Variants in QSOX2 observed in about 807,000 individuals in gnomAD.
QSOX2 encodes the protein sulfhydryl oxidase 2.
QSOX2 carries 46 observed loss-of-function variants against 61.7 expected under a neutral mutation model. The observed-to-expected ratio is 0.75, with a 90% CI of 0.59 to 0.95. QSOX2 has a LOEUF of 0.95. Among genes scored for constraint, QSOX2 ranks in the 40% least tolerant of loss-of-function variants. The pLI, the probability that QSOX2 is intolerant of heterozygous loss-of-function variation, is 0.00. For synonymous variants in QSOX2, 383 were observed against 388.4 expected (o/e 0.99, Z 0.16); for missense variants, 879 against 918.9 (o/e 0.96, Z 0.56).
Position 136,245,466 on chromosome 9 carries a change from C to A in QSOX2, c.328+10G>T, listed in dbSNP as rs1206488330. The A allele has an allele frequency of 1.3e-6, 2 of 1,582,192 alleles. No individual in the cohort carries two copies. The highest frequency in any genetic ancestry group is 2.3e-5 in the East Asian group (1 of 43,472). Reference sequence around the variant, plus strand: ...GGGTCGGGGGGTCCCCGCGCGGGGGCGCGCCTCACCTCGCACATCCCCAGC... The same window carrying A: ...GGGTCGGGGGGTCCCCGCGCGGGGGAGCGCCTCACCTCGCACATCCCCAGC... On this transcript the variant is annotated intron_variant, in intron 1 of 11. Coordinates refer to ENST00000358701, the MANE Select transcript of QSOX2 (RefSeq NM_181701.4).
In QSOX2 at chr9:136,219,159, T is replaced by C; in HGVS notation, c.827A>G (p.Lys276Arg). Reference sequence around the variant, plus strand: ...AGACGAAAAGAAGGCCCGCAGAGGCTTCACGCTGTGAGAGAGGGGAGGGCA... The same window carrying C: ...AGACGAAAAGAAGGCCCGCAGAGGCCTCACGCTGTGAGAGAGGGGAGGGCA... ...NGSHGLINVV[K>R]PLRAFFSSYL... is the part of the protein sequence containing the mutation. Residue 276 changes from lysine (K) to arginine (R), a missense_variant, in exon 7 of 12, where the codon AAG becomes AGG. Transcript: ENST00000358701. The C allele has an allele frequency of 6.2e-7, 1 of 1,613,476 alleles. No individual in the cohort carries two copies. Among genetic ancestry groups the C allele is most frequent in the South Asian group, 1.1e-5 (1 of 91,062 alleles).
chr9:136,237,385 GGCTGGCGTC>G (rs1830394722), intron 1 of QSOX2, among the ~76,000 whole-genome samples: 1 of 125,534 alleles, frequency 8.0e-6, no homozygotes, highest in Non-Finnish European at 1.7e-5. Context: ...GCCCATCCTG[GGCTGGCGTC>G]ACCTGGAGCC....
At chr9:136,245,441 G>T in intron 1 of QSOX2, 35 bp downstream of exon 1, 1 of 1,552,552 alleles carries the variant, frequency 6.4e-7, no homozygotes, top group East Asian at 2.4e-5. Flanking sequence ...GCGGTCCCGG[G>T]GGTCGGGGGG....
Position 136,208,903 on chromosome 9 carries a change from GC to G in QSOX2, c.1921del (p.Ala641ProfsTer21). The G allele has an allele frequency of 6.2e-7, 1 of 1,613,950 alleles. No individual in the cohort carries two copies. The highest frequency in any genetic ancestry group is 1.7e-5 in the Admixed American group (1 of 60,032). On this transcript the variant is annotated frameshift_variant, in exon 12 of 12. Transcript: ENST00000358701. LOFTEE classifies it low-confidence loss of function (END_TRUNC). ...TGCGGCCCCGCCCACCTCCTTGTGG[GC>G]CCCGGGCCCATCCAGACTCTGGAGT... ...GKLQSLDGPG[A>X]HKEVGGAAPF... is the part of the protein sequence containing the mutation.
intron 8 of QSOX2, among the ~76,000 whole-genome samples, chr9:136,217,600 A>G (rs997666067): frequency 1.3e-5 from 2 of 152,258 alleles, no homozygotes; most frequent in Non-Finnish European, 2.9e-5. Context: ...TAACTTATTA[A>G]TACCCTGGCC....
intron 1 of QSOX2, among the ~76,000 whole-genome samples, chr9:136,234,639 G>A (rs949404117): frequency 6.6e-6 from 1 of 152,198 alleles, no homozygotes; most frequent in East Asian, 1.9e-4. Context: ...TGAGGCTGCT[G>A]TCACTAAGAC....
Position 136,221,999 on chromosome 9 carries a change from C to T in QSOX2, c.676-58G>A, listed in dbSNP as rs568000877. ...GGGGCTGGCAGTTTCTCAGAAAACA[C>T]GACGTGCAGACACATGGCCTTGCAG... On this transcript the variant is annotated intron_variant, in intron 5 of 11. Coordinates refer to ENST00000358701, the MANE Select transcript of QSOX2 (RefSeq NM_181701.4). This position sits in a 1 kb window ranked among gnomAD's most constrained non-coding sequence, Gnocchi z 4.5. 1.8e-4 allele frequency: 262 copies of T among 1,489,682 alleles called. No homozygotes were observed. The highest frequency in any genetic ancestry group is 2.2e-4 in the Non-Finnish European group (244 of 1,111,978). The allele number at this position is 1,489,682 out of a possible 1,614,324, so 92.3% of individuals were successfully genotyped here.
At chr9:136,234,105 T>C (rs1796693695) in intron 1 of QSOX2, among the ~76,000 whole-genome samples, 1 of 151,280 alleles carries the variant, frequency 6.6e-6, no homozygotes, top group Non-Finnish European at 1.5e-5. Flanking sequence ...AGGCTCCACC[T>C]GGGGCAGCCT....
intron 1 of QSOX2, among the ~76,000 whole-genome samples, chr9:136,229,213 G>A (rs1203183677): frequency 6.6e-6 from 1 of 152,254 alleles, no homozygotes; most frequent in Non-Finnish European, 1.5e-5. Flanking sequence ...AGCGACACGA[G>A]CTCTCTGCAT....
At chr9:136,227,003 G>A (rs12376359) in intron 1 of QSOX2, 129 bp from the exon 2 acceptor site, 1 of 713,844 alleles carries the variant, frequency 1.4e-6, no homozygotes, top group East Asian at 2.6e-5. Flanking sequence ...TAGGTCATCA[G>A]TTAGGCCCTC....
chr9:136,232,229 G>C (rs1830338060), intron 1 of QSOX2, among the ~76,000 whole-genome samples: 1 of 152,170 alleles, frequency 6.6e-6, no homozygotes, highest in Non-Finnish European at 1.5e-5. Flanking sequence ...GAACCGTTGA[G>C]GCTGTGCAGT....
At chr9:136,233,703 C>T (rs11103395) in intron 1 of QSOX2, among the ~76,000 whole-genome samples, 3,521 of 152,264 alleles carry the variant, frequency 0.023, 117 homozygotes, top group African/African-American at 0.075. Flanking sequence ...TTCCATGAGA[C>T]GAATCGTGCA....
intron 1 of QSOX2, among the ~76,000 whole-genome samples, chr9:136,243,646 C>G (rs540757804): frequency 8.5e-5 from 13 of 152,364 alleles, no homozygotes; most frequent in African/African-American, 2.4e-4. Flanking sequence ...TGACACTGTT[C>G]CCCTGGCCAT....
chr9:136,229,584 GCA>G (rs1830312167), intron 1 of QSOX2, among the ~76,000 whole-genome samples: 1 of 152,146 alleles, frequency 6.6e-6, no homozygotes. Flanking sequence ...AGCCCAGACT[GCA>G]CACACAACAG....
chr9:136,207,320 A>C lies in QSOX2; in HGVS notation c.*1408T>G, dbSNP rs1282189628. On this transcript the variant is annotated 3_prime_UTR_variant, in exon 12 of 12. Coordinates refer to ENST00000358701, the MANE Select transcript of QSOX2 (RefSeq NM_181701.4). The stretch of plus-strand genomic sequence containing the variant: ...TGATTATACAACATAAAGTAGGCAA[A>C]GCGGAAAAAATATCTACAACCGTCA... 1 of 152,182 alleles carries C rather than the reference A, an allele frequency of 6.6e-6. No homozygotes were observed. The highest frequency in any genetic ancestry group is 2.4e-5 in the African/African-American group (1 of 41,322). 9.4% of individuals were successfully genotyped at this position (152,182 alleles called of 1,614,324 possible).
chr9:136,211,511 G>C (rs1280626877), intron 10 of QSOX2, 59 bp from the exon 11 acceptor site: 1 of 1,563,262 alleles, frequency 6.4e-7, no homozygotes, highest in African/African-American at 1.4e-5. Flanking sequence ...CTGACCCCAC[G>C]CTTGTCCAGA....
chr9:136,225,163 AG>A (rs1830267864), intron 2 of QSOX2, among the ~76,000 whole-genome samples: 1 of 152,216 alleles, frequency 6.6e-6, no homozygotes, highest in Non-Finnish European at 1.5e-5. Flanking sequence ...CAACAGGGCT[AG>A]AAGCAAGACA....
At chr9:136,212,983 C>A (rs1187789083) in intron 10 of QSOX2, among the ~76,000 whole-genome samples, 1 of 152,218 alleles carries the variant, frequency 6.6e-6, no homozygotes, top group East Asian at 1.9e-4. Context: ...TGCCATCACA[C>A]TGCTCTTACA....
intron 2 of QSOX2, among the ~76,000 whole-genome samples, 178 bp from the exon 3 acceptor site, chr9:136,225,087 T>G (rs1048912928): frequency 1.3e-5 from 2 of 152,246 alleles, no homozygotes; most frequent in African/African-American, 4.8e-5. Context: ...TAATGTTTCC[T>G]GTCAGATTTA....
Sources: gnomAD v4.1 joint callset for allele counts (sites outside exome capture counted in the v4.1 genomes callset) on GRCh38, gnomAD v4.1.1 for gene constraint, Gnocchi (gnomAD v3.1) non-coding constraint, MANE v1.5 for transcripts, NCBI Gene and HGNC (gene_info 2026-07-23, HGNC 2026-07-21) for gene names.